NRAS: variants seen among roughly 807,000 people sequenced by gnomAD.
The protein encoded by NRAS is GTPase NRas.
In NRAS, 6 loss-of-function variants were observed where a neutral mutation model predicts 21.3. The observed-to-expected ratio is 0.28, with a 90% CI of 0.15 to 0.56. The LOEUF is 0.56. Among genes scored for constraint, NRAS ranks in the 20% least tolerant of loss-of-function variants. The pLI is 0.93. For synonymous variants in NRAS, 84 were observed against 82.0 expected (o/e 1.02, Z -0.13); for missense variants, 143 against 231.3 (o/e 0.62, Z 2.48).
At position 114,707,568 on chromosome 1, in the gene NRAS, T is replaced by C. The variant is rs570237359; in HGVS notation, c.*526A>G. ...CTAGAGCAGATGCCAGTTTAGAGAA[T>C]AGAGCCGATAACATTATAAACAAAC... is the stretch of plus-strand genomic sequence containing the variant. On this transcript the variant is annotated 3_prime_UTR_variant, in exon 7 of 7. Coordinates refer to ENST00000369535, the MANE Select transcript of NRAS (RefSeq NM_002524.5). 3 of 152,642 alleles carry C rather than the reference T, an allele frequency of 2.0e-5. No individual in the cohort carries two copies. In the South Asian group the frequency reaches 6.2e-4, roughly 32 times the overall value. 9.5% of individuals were successfully genotyped at this position (152,642 alleles called of 1,614,324 possible).
At chr1:114,708,450 G>A (rs1443390630) in intron 5 of NRAS, 81 bp downstream of exon 5, 12 of 1,311,928 alleles carry the variant, frequency 9.1e-6, no homozygotes, top group Non-Finnish European at 5.5e-6. Flanking sequence ...AAAACATATA[G>A]ACAATAACAC....
intron 2 of NRAS, among the ~76,000 whole-genome samples, chr1:114,714,901 ATTAGAG>A (rs1462231259): frequency 6.6e-6 from 1 of 152,260 alleles, no homozygotes; most frequent in Non-Finnish European, 1.5e-5. Flanking sequence ...TAGTGGCTAC[ATTAGAG>A]TTAGTTTTCA....
chr1:114,714,534 T>C (rs376904625), intron 2 of NRAS, among the ~76,000 whole-genome samples: 14 of 152,186 alleles, frequency 9.2e-5, no homozygotes, highest in African/African-American at 3.4e-4. Flanking sequence ...AAACAAGGTA[T>C]AGTTATGTTT....
intron 2 of NRAS, among the ~76,000 whole-genome samples, chr1:114,715,335 T>C (rs1659134377): frequency 6.6e-6 from 1 of 152,198 alleles, no homozygotes; most frequent in Admixed American, 6.5e-5. Flanking sequence ...AAACCCTTTA[T>C]TTAAAGAGCC....
rs1465850103 is a variant in NRAS, at chr1:114,713,921, C to T, written c.169G>A (p.Asp57Asn). Residue 57 changes from aspartate (D) to asparagine (N), a missense_variant, in exon 3 of 7, where the codon GAT (aspartate) becomes AAT (asparagine). Physicochemically the swap from Asp to Asn is conservative, Grantham distance 23 (BLOSUM62 1). Coordinates refer to ENST00000369535, the MANE Select transcript of NRAS (RefSeq NM_002524.5). Reference protein sequence around the residue: ...DGETCLLDILDTAGQEEYSAM... With the variant: ...DGETCLLDILNTAGQEEYSAM... ...CTGTACTCTTCTTGTCCAGCTGTAT[C>T]CAGTATGTCCAACAAACAGGTTTCA... 1 of 1,610,570 alleles carries T rather than the reference C, an allele frequency of 6.2e-7. No homozygotes were observed. Among genetic ancestry groups the T allele is most frequent in the Non-Finnish European group, 8.5e-7 (1 of 1,177,082 alleles).
At position 114,709,719 on chromosome 1, in the gene NRAS, A is replaced by C. The variant is rs575693594; in HGVS notation, c.300T>G (p.Ile100Met). ...CATCATCCGAGTCTTTTACTCGCTT[A>C]ATCTGCTCCCTAAAAACGGGAATAT... ...FADINLYREQ[I>M]KRVKDSDDVP... Residue 100 changes from isoleucine to methionine, a missense_variant, in exon 4 of 7, where the codon ATT becomes ATG. Physicochemically the swap from Ile to Met is conservative, Grantham distance 10 (BLOSUM62 1). Transcript: ENST00000369535. The C allele has an allele frequency of 3.7e-6, 6 of 1,612,968 alleles. No homozygotes were observed. Among genetic ancestry groups the C allele is most frequent in the Non-Finnish European group, 5.1e-6 (6 of 1,178,962 alleles).
intron 3 of NRAS, among the ~76,000 whole-genome samples, chr1:114,712,852 G>A (rs774713393): frequency 1.3e-5 from 2 of 152,130 alleles, no homozygotes; most frequent in Non-Finnish European, 1.5e-5. Context: ...GAGTCACGTC[G>A]CTAATAAACA....
chr1:114,709,977 G>A (rs1171738666), intron 3 of NRAS, among the ~76,000 whole-genome samples: 4 of 151,886 alleles, frequency 2.6e-5, no homozygotes, highest in Non-Finnish European at 5.9e-5. Context: ...CAGATCACAA[G>A]GTCAGGAGTT....
At chr1:114,713,403 A>T (rs1659085847) in intron 3 of NRAS, among the ~76,000 whole-genome samples, 1 of 151,994 alleles carries the variant, frequency 6.6e-6, no homozygotes, top group Non-Finnish European at 1.5e-5. Context: ...GCTGAAAGTG[A>T]TCCTCCCGCC....
At chr1:114,710,640 T>C (rs558357463) in intron 3 of NRAS, among the ~76,000 whole-genome samples, 2 of 152,236 alleles carry the variant, frequency 1.3e-5, no homozygotes, top group East Asian at 3.9e-4. Flanking sequence ...AAAAAGAAAC[T>C]AGCAAATTTT....
chr1:114,716,278 A>T, intron 1 of NRAS, 101 bp from the exon 2 acceptor site: 2 of 791,770 alleles, frequency 2.5e-6, no homozygotes, highest in Non-Finnish European at 4.5e-6. Context: ...GTGACCTTCC[A>T]TTTGGTTCTT....
At chr1:114,715,190 C>T (rs1659129121) in intron 2 of NRAS, among the ~76,000 whole-genome samples, 1 of 152,268 alleles carries the variant, frequency 6.6e-6, no homozygotes, top group Non-Finnish European at 1.5e-5. Flanking sequence ...CCACACCCAG[C>T]TAATTTTTGT....
At chr1:114,714,838 A>G (rs1166084588) in intron 2 of NRAS, among the ~76,000 whole-genome samples, 1 of 152,258 alleles carries the variant, frequency 6.6e-6, no homozygotes, top group Non-Finnish European at 1.5e-5. Flanking sequence ...AAAATATTAA[A>G]GCTGTTAAGC....
chr1:114,710,714 C>A (rs992055514), intron 3 of NRAS, among the ~76,000 whole-genome samples: 1 of 152,108 alleles, frequency 6.6e-6, no homozygotes, highest in African/African-American at 2.4e-5. Context: ...ACATTGTATA[C>A]TAAGGAGACT....
chr1:114,711,605 CAAA>C (rs371081462), intron 3 of NRAS, among the ~76,000 whole-genome samples: 1 of 59,342 alleles, frequency 1.7e-5, no homozygotes, highest in Non-Finnish European at 3.1e-5. Context: ...AACTCCGTCT[CAAA>C]AAAAAAAAAA....
In NRAS at chr1:114,709,781, T is replaced by C. The variant is rs2101739114; in HGVS notation, c.291-53A>G. On this transcript the variant is annotated intron_variant, in intron 3 of 6. Transcript: ENST00000369535. ...ATAAGAAAAACAAGATTAGGCTGGG[T>C]ACAGTGGCTCATGCCTGCAATCTCA... 2.7e-6 allele frequency: 4 copies of C among 1,468,692 alleles called. No individual in the cohort carries two copies. In the Admixed American group the frequency reaches 6.7e-5, roughly 25 times the overall value. The allele number at this position is 1,468,692 out of a possible 1,614,324, so 91.0% of individuals were successfully genotyped here. A position where few individuals can be genotyped will look rare whatever the true frequency, so the allele number is the denominator to read the frequency against.
rs2101743939 is a variant in NRAS at position 114,716,037 on chromosome 1, C to T, written c.111+13G>A. ...AGACAGGATCAGGTCAGCGGGCTAC[C>T]ACTGGGCCTCACCTCTATGGTGGGA... On this transcript the variant is annotated intron_variant, in intron 2 of 6. Coordinates refer to ENST00000369535, the MANE Select transcript of NRAS (RefSeq NM_002524.5). 1.3e-6 allele frequency: 2 copies of T among 1,484,468 alleles called. No individual in the cohort carries two copies. Among genetic ancestry groups the T allele is most frequent in the Non-Finnish European group, 1.9e-6 (2 of 1,061,352 alleles). The allele number at this position is 1,484,468 out of a possible 1,614,324, so 92.0% of individuals were successfully genotyped here. A position where few individuals can be genotyped will look rare whatever the true frequency, so the allele number is the denominator to read the frequency against.
At position 114,713,833 on chromosome 1, in the gene NRAS, T is replaced by A. The variant is rs2101741819; in HGVS notation, c.257A>T (p.Asn86Ile). 6.2e-7 allele frequency: 1 copy of A among 1,614,128 alleles called. No individual in the cohort carries two copies. Among genetic ancestry groups the A allele is most frequent in the Non-Finnish European group, 8.5e-7 (1 of 1,179,976 alleles). ...GTTAATATCCGCAAATGACTTGCTATTATTGATGGCAAATACACAGAGGAA... is the reference window on the plus strand; with the variant it reads ...GTTAATATCCGCAAATGACTTGCTAATATTGATGGCAAATACACAGAGGAA... ...EGFLCVFAIN[N>I]SKSFADINLY... Residue 86 changes from asparagine (N) to isoleucine (I), a missense_variant, in exon 3 of 7, where the codon AAT (asparagine) becomes ATT (isoleucine). Asn to Ile is a moderately radical substitution (Grantham distance 149). Coordinates refer to ENST00000369535, the MANE Select transcript of NRAS (RefSeq NM_002524.5).
At chr1:114,709,391 C>T (rs144883435) in intron 4 of NRAS, among the ~76,000 whole-genome samples, 178 bp downstream of exon 4, 3 of 151,812 alleles carry the variant, frequency 2.0e-5, no homozygotes, top group Non-Finnish European at 4.4e-5. Context: ...GCTGAGATCA[C>T]ACCACTGCAC....
Sources: allele counts gnomAD v4.1 joint callset (sites outside exome capture counted in the v4.1 genomes callset), GRCh38; gene constraint gnomAD v4.1.1; transcripts MANE v1.5; gene names NCBI Gene and HGNC (gene_info 2026-07-23, HGNC 2026-07-21).